The following DCC variants were observed in gnomAD, a reference collection of about 807,000 sequenced individuals.
The protein encoded by DCC is DCC netrin 1 receptor.
A neutral mutation model predicts 172.5 loss-of-function variants in DCC; 58 were observed. The observed-to-expected ratio is 0.34, with a 90% CI of 0.27 to 0.42. The LOEUF is 0.42. Among genes scored for constraint, DCC ranks in the 10% least tolerant of loss-of-function variants. The pLI, the probability that DCC is intolerant of heterozygous loss-of-function variation, is 1.00. For missense variants in DCC, 1,740 were observed against 1,791.0 expected (o/e 0.97, Z 0.51); for synonymous variants, 709 against 644.5 (o/e 1.10, Z -1.52).
intron 1 of DCC, among the ~76,000 whole-genome samples, chr18:52,586,417 G>C (rs113833715): frequency 6.6e-6 from 1 of 151,988 alleles, no homozygotes; most frequent in African/African-American, 2.4e-5. Context: ...ATTTCATCTT[G>C]ACAGTCCAGG....
At chr18:52,599,948 G>T (rs2144814621) in intron 1 of DCC, among the ~76,000 whole-genome samples, 1 of 152,140 alleles carries the variant, frequency 6.6e-6, no homozygotes, top group Non-Finnish European at 1.5e-5. Flanking sequence ...TGTTGTCTCT[G>T]GGAACCATGC....
chr18:53,304,016 G>C, intron 12 of DCC, among the ~76,000 whole-genome samples: 1 of 152,098 alleles, frequency 6.6e-6, no homozygotes, highest in Non-Finnish European at 1.5e-5. Flanking sequence ...TCTCCTACCC[G>C]ACTATCCCCA....
chr18:52,583,446 T>A (rs2033599526), intron 1 of DCC, among the ~76,000 whole-genome samples: 1 of 152,220 alleles, frequency 6.6e-6, no homozygotes, highest in Non-Finnish European at 1.5e-5. Context: ...TTTTTACTTT[T>A]ATACTTTTCT....
At chr18:52,863,368 T>TTAAACAGTTAAA (rs1450617748) in intron 2 of DCC, among the ~76,000 whole-genome samples, 1 of 151,830 alleles carries the variant, frequency 6.6e-6, no homozygotes, top group Admixed American at 6.5e-5. Flanking sequence ...TAACTGTCAG[T>TTAAACAGTTAAA]CATGTACTAA....
At chr18:53,344,465 C>T (rs1395439587) in intron 15 of DCC, among the ~76,000 whole-genome samples, 4 of 125,822 alleles carry the variant, frequency 3.2e-5, no homozygotes, top group Non-Finnish European at 4.8e-5. Context: ...TTTTTTGAGC[C>T]ACAGTCTCAC....
chr18:53,207,629 C>T, intron 10 of DCC, 50 bp from the exon 11 acceptor site: 1 of 1,559,032 alleles, frequency 6.4e-7, no homozygotes, highest in Non-Finnish European at 8.8e-7. Flanking sequence ...AGTGCCATTT[C>T]TACTTTAATG....
intron 5 of DCC, among the ~76,000 whole-genome samples, chr18:53,038,013 T>A (rs1043690790): frequency 6.6e-6 from 1 of 151,960 alleles, no homozygotes; most frequent in African/African-American, 2.4e-5. Context: ...ACCCTAGAGA[T>A]GGACAGATGA....
At chr18:53,109,522 G>C (rs191084773) in intron 7 of DCC, among the ~76,000 whole-genome samples, 1 of 151,342 alleles carries the variant, frequency 6.6e-6, no homozygotes, top group Non-Finnish European at 1.5e-5. Context: ...GTGTGTGTCT[G>C]TCCGTCTCTG....
chr18:52,389,621 G>A (rs1183970455), intron 1 of DCC, among the ~76,000 whole-genome samples: 2 of 151,440 alleles, frequency 1.3e-5, no homozygotes, highest in Non-Finnish European at 3.0e-5. Flanking sequence ...GATTTCAGGA[G>A]AAAACTGATG....
At chr18:53,303,766 C>G (rs1779846022) in intron 12 of DCC, among the ~76,000 whole-genome samples, 1 of 152,160 alleles carries the variant, frequency 6.6e-6, no homozygotes, top group Non-Finnish European at 1.5e-5. Context: ...TGCTACAGTG[C>G]TCTTTCAGCT....
intron 5 of DCC, among the ~76,000 whole-genome samples, chr18:53,035,769 T>C (rs951974534): frequency 6.6e-6 from 1 of 152,048 alleles, no homozygotes; most frequent in Non-Finnish European, 1.5e-5. Flanking sequence ...TGGCTTCATA[T>C]TAATCTATAA....
intron 12 of DCC, among the ~76,000 whole-genome samples, chr18:53,287,206 T>C (rs1464214997): frequency 6.6e-6 from 1 of 152,232 alleles, no homozygotes; most frequent in Admixed American, 6.5e-5. Context: ...TTGCCTATTA[T>C]GTACATTTTA....
chr18:53,384,518 C>T (rs1907995414), intron 15 of DCC, among the ~76,000 whole-genome samples: 1 of 151,904 alleles, frequency 6.6e-6, no homozygotes, highest in Admixed American at 6.6e-5. Flanking sequence ...AATCCTTTTT[C>T]AGTCTTCTTA....
intron 3 of DCC, 124 bp from the exon 4 acceptor site, chr18:52,923,583 T>C: frequency 1.3e-6 from 1 of 780,148 alleles, no homozygotes. Context: ...TTTAGGAGTT[T>C]ACAAATTTCA....
intron 7 of DCC, among the ~76,000 whole-genome samples, chr18:53,093,260 G>C (rs769540847): frequency 4.6e-5 from 7 of 152,168 alleles, no homozygotes; most frequent in Admixed American, 1.3e-4. Context: ...CTGGGCGACA[G>C]AGCGAGACTC....
intron 7 of DCC, among the ~76,000 whole-genome samples, chr18:53,081,991 A>T (rs2042813474): frequency 6.6e-6 from 1 of 151,966 alleles, no homozygotes; most frequent in African/African-American, 2.4e-5. Context: ...TAGATGGGGG[A>T]GGCCAGCGAT....
chr18:53,042,444 A>G (rs1465949770), intron 5 of DCC, among the ~76,000 whole-genome samples: 1 of 152,110 alleles, frequency 6.6e-6, no homozygotes, highest in South Asian at 2.1e-4. Flanking sequence ...GATGTTCGTC[A>G]GGCATATTGG....
At chr18:53,059,544 T>C (rs369331134) in intron 5 of DCC, among the ~76,000 whole-genome samples, 3 of 152,128 alleles carry the variant, frequency 2.0e-5, no homozygotes, top group Admixed American at 2.0e-4. Context: ...CCCTCTCCCA[T>C]GTTATGTAAG....
intron 1 of DCC, among the ~76,000 whole-genome samples, chr18:52,420,160 G>A (rs1182841724): frequency 6.6e-6 from 1 of 152,166 alleles, no homozygotes; most frequent in Non-Finnish European, 1.5e-5. Context: ...AAAAAACAAG[G>A]CACCAAGATG....
Sources: allele counts gnomAD v4.1 joint callset (sites outside exome capture counted in the v4.1 genomes callset), GRCh38; gene constraint gnomAD v4.1.1; transcripts MANE v1.5; gene names NCBI Gene and HGNC (gene_info 2026-07-23, HGNC 2026-07-21).